Variants in SPNS2 observed in about 807,000 individuals in gnomAD.
SPNS2 encodes the protein sphingosine-1-phosphate transporter SPNS2.
A neutral mutation model predicts 57.6 loss-of-function variants in SPNS2; 37 were observed. The ratio of observed to expected loss-of-function variants is 0.64; its 90% CI spans 0.49 to 0.85. SPNS2 has a LOEUF of 0.85. Among genes scored for constraint, SPNS2 ranks in the 40% least tolerant of loss-of-function variants. The pLI, the probability that SPNS2 is intolerant of heterozygous loss-of-function variation, is 0.00. For synonymous variants in SPNS2, 440 were observed against 346.9 expected (o/e 1.27, Z -2.98); for missense variants, 831 against 779.1 (o/e 1.07, Z -0.79).
chr17:4,505,124 C>T (rs1904639107), intron 1 of SPNS2, among the ~76,000 whole-genome samples: 1 of 152,194 alleles, frequency 6.6e-6, no homozygotes, highest in Non-Finnish European at 1.5e-5. Context: ...GAACTGTGCT[C>T]TGCTCCGCCT....
In SPNS2 at chr17:4,511,522, C is replaced by G. The variant is rs1410597452; in HGVS notation, c.371-1725C>G. Among the ~76,000 whole-genome samples, 2 of 152,194 alleles carry G rather than the reference C, an allele frequency of 1.3e-5. No homozygotes were observed. The highest frequency in any genetic ancestry group is 1.3e-4 in the Admixed American group (2 of 15,282). ...ACACATCAGGAGGGGGAACAGAGTC[C>G]TGACCCAGAAAGGAATGGGTTGTGG... is the stretch of plus-strand genomic sequence containing the variant. On this transcript the variant is annotated intron_variant, in intron 1 of 12. Transcript: ENST00000329078. The surrounding 1 kb of genome is among the most constrained non-coding windows in gnomAD (Gnocchi z 4.6).
intron 2 of SPNS2, among the ~76,000 whole-genome samples, chr17:4,515,986 A>C (rs4499296): frequency 0.45 from 68,294 of 151,830 alleles, 16,796 homozygotes; most frequent in East Asian, 0.85. Context: ...TGCAGGAGCC[A>C]TATCTCAGGC....
rs537851137 is a variant in SPNS2, at chr17:4,530,565, G to C, written c.574-67G>C. 15 of 1,553,052 alleles carry C rather than the reference G, an allele frequency of 9.7e-6. No individual in the cohort carries two copies. The South Asian group carries it at 1.8e-4, about 19-fold the overall frequency. On this transcript the variant is annotated intron_variant, in intron 3 of 12. Transcript: ENST00000329078. The stretch of plus-strand genomic sequence containing the variant: ...GCCCTGCAGGGGGAGGGAGCAAAGT[G>C]GGAACAAGGGATGACAGGCAGACGG...
Position 4,538,988 on chromosome 17 carries a change from G to A in SPNS2, c.*1540G>A, listed in dbSNP as rs751191146. The A allele has an allele frequency of 1.2e-5, 10 of 803,162 alleles. No individual in the cohort carries two copies. The highest frequency in any genetic ancestry group is 2.1e-5 in the Non-Finnish European group (9 of 438,546). The allele number at this position is 803,162 out of a possible 1,614,324, so 49.8% of individuals were successfully genotyped here. A position where few individuals can be genotyped will look rare whatever the true frequency, so the allele number is the denominator to read the frequency against. On this transcript the variant is annotated 3_prime_UTR_variant, in exon 13 of 13. Transcript: ENST00000329078. ...TGAATCTCAGAGTCTTAAGAGAGAA[G>A]CCAAATATATTCCTCTTGTAAATGA...
chr17:4,515,634 CAGT>C (rs1250019080), intron 2 of SPNS2, among the ~76,000 whole-genome samples: 2 of 152,278 alleles, frequency 1.3e-5, no homozygotes, highest in African/African-American at 4.8e-5. Context: ...TGATGTTACT[CAGT>C]GGACAACTAG....
At position 4,511,853 on chromosome 17, in the gene SPNS2, C is replaced by G. The variant is rs1312555725; in HGVS notation, c.371-1394C>G. On this transcript the variant is annotated intron_variant, in intron 1 of 12. Coordinates refer to ENST00000329078, the MANE Select transcript of SPNS2 (RefSeq NM_001124758.3). The surrounding 1 kb of genome is among the most constrained non-coding windows in gnomAD (Gnocchi z 4.6). Reference sequence around the variant, plus strand: ...ATTCCAACCTGGGTCTCGGAAGGGACAGTGACGTTCCAGCCTCCCCACTCC... The same window carrying G: ...ATTCCAACCTGGGTCTCGGAAGGGAGAGTGACGTTCCAGCCTCCCCACTCC... Among the ~76,000 whole-genome samples the G allele has an allele frequency of 6.6e-6, 1 of 152,168 alleles. No individual in the cohort carries two copies. Among genetic ancestry groups the G allele is most frequent in the Non-Finnish European group, 1.5e-5 (1 of 68,022 alleles).
chr17:4,536,340 C>A lies in SPNS2; in HGVS notation c.1521C>A (p.Leu507=). The change falls in exon 11 of 13, where the codon CTC becomes CTA. Residue 507 remains leucine (L), a synonymous_variant. Coordinates refer to ENST00000329078, the MANE Select transcript of SPNS2 (RefSeq NM_001124758.3). The part of the protein sequence containing the change: ...EFLSLGYALM[L]CPFVVVLGGM... ...TGAGCCTGGGCTACGCGCTCATGCTCTGCCCTTTCGTCGTGGTCCTGGGCG... is the reference window on the plus strand; with the variant it reads ...TGAGCCTGGGCTACGCGCTCATGCTATGCCCTTTCGTCGTGGTCCTGGGCG... The A allele has an allele frequency of 6.2e-7, 1 of 1,611,772 alleles. No individual in the cohort carries two copies. Among genetic ancestry groups the A allele is most frequent in the South Asian group, 1.1e-5 (1 of 91,090 alleles).
rs558626207 is a variant in SPNS2, at chr17:4,523,706, C to T, written c.437-1351C>T. Among the ~76,000 whole-genome samples the T allele has an allele frequency of 5.9e-5, 9 of 152,322 alleles. No individual in the cohort carries two copies. In the South Asian group the frequency reaches 1.9e-3, roughly 32 times the overall value. ...GCAGTGAGCGGAGATTGCACCATTG[C>T]ACTCTAGCATGGGTGATAGAGTGAG... On this transcript the variant is annotated intron_variant, in intron 2 of 12. Coordinates refer to ENST00000329078, the MANE Select transcript of SPNS2 (RefSeq NM_001124758.3).
rs537247550 is a variant in SPNS2, at chr17:4,536,791, T to C, written c.1608-109T>C. 6.6e-6 allele frequency: 6 copies of C among 909,182 alleles called. No individual in the cohort carries two copies. In the African/African-American group the frequency reaches 9.8e-5, roughly 15 times the overall value. 56.3% of individuals were successfully genotyped at this position (909,182 alleles called of 1,614,324 possible). On this transcript the variant is annotated intron_variant, in intron 11 of 12. Coordinates refer to ENST00000329078, the MANE Select transcript of SPNS2 (RefSeq NM_001124758.3). The stretch of plus-strand genomic sequence containing the variant: ...CTCCCCCTGGGGCTGACGAGGTCCC[T>C]GCCCAGCACCTCCGGTCAGCTGGCC...
At chr17:4,502,735 C>T (rs1298913598) in intron 1 of SPNS2, among the ~76,000 whole-genome samples, 1 of 152,200 alleles carries the variant, frequency 6.6e-6, no homozygotes, top group Admixed American at 6.5e-5. Context: ...TTCACGAGTG[C>T]CAGCTGCCTT....
chr17:4,515,210 C>T (rs544333205), intron 2 of SPNS2, among the ~76,000 whole-genome samples: 56 of 152,284 alleles, frequency 3.7e-4, no homozygotes, highest in East Asian at 7.7e-4. Flanking sequence ...CTCCTCATCC[C>T]GGTGGCCTGG....
chr17:4,527,949 CAA>C (rs34927238), intron 3 of SPNS2, among the ~76,000 whole-genome samples: 160 of 128,592 alleles, frequency 1.2e-3, no homozygotes, highest in Middle Eastern at 4.1e-3. Flanking sequence ...CTGGAATAGC[CAA>C]AAAAAAAAAA....
intron 1 of SPNS2, among the ~76,000 whole-genome samples, chr17:4,505,526 G>A (rs9901576): frequency 2.0e-5 from 3 of 152,292 alleles, no homozygotes; most frequent in Non-Finnish European, 2.9e-5. Context: ...ATGAGGCCGC[G>A]CAACCCCCAA....
Position 4,533,850 on chromosome 17 carries a change from C to G in SPNS2, c.1341C>G (p.Leu447=). The G allele has an allele frequency of 6.2e-7, 1 of 1,611,018 alleles. No homozygotes were observed. Among genetic ancestry groups the G allele is most frequent in the Non-Finnish European group, 8.5e-7 (1 of 1,178,650 alleles). The part of the protein sequence containing the change: ...FSNWAITADI[L]MYVVIPTRRA... ...ACTGGGCCATCACTGCAGACATCCT[C>G]ATGGTGAGCCAGGCAGGCCGAGGTC... Residue 447 remains leucine, a synonymous_variant, in exon 9 of 13, where the codon CTC becomes CTG. Transcript: ENST00000329078.
chr17:4,525,310 C>T (rs1905238065), intron 3 of SPNS2, 117 bp downstream of exon 3: 1 of 1,401,364 alleles, frequency 7.1e-7, no homozygotes, highest in Non-Finnish European at 9.7e-7. Context: ...TTGCTTGAAC[C>T]CCACTGTCTT....
At chr17:4,531,310 G>C (rs182146385) in intron 5 of SPNS2, among the ~76,000 whole-genome samples, 191 bp downstream of exon 5, 31 of 152,348 alleles carry the variant, frequency 2.0e-4, no homozygotes, top group African/African-American at 7.5e-4. Context: ...CCCGATTGAG[G>C]TGTCAGAGCC....
chr17:4,531,961 C>CA (rs1379780082), intron 5 of SPNS2, among the ~76,000 whole-genome samples: 1 of 152,048 alleles, frequency 6.6e-6, no homozygotes. Flanking sequence ...CTTGATCTGT[C>CA]AGTCCAGCGC....
chr17:4,532,778 C>T (rs956696757), intron 6 of SPNS2, 94 bp downstream of exon 6: 14 of 1,493,706 alleles, frequency 9.4e-6, no homozygotes, highest in Non-Finnish European at 2.7e-6. Flanking sequence ...CACCCTCAGC[C>T]AGACACCCCA....
chr17:4,526,796 AG>A (rs1567593168), intron 3 of SPNS2, among the ~76,000 whole-genome samples: 1 of 152,032 alleles, frequency 6.6e-6, no homozygotes, highest in African/African-American at 2.4e-5. Flanking sequence ...GGGACATTGG[AG>A]GGAGGGCAGA....
Sources: allele counts gnomAD v4.1 joint callset (sites outside exome capture counted in the v4.1 genomes callset), GRCh38; gene constraint gnomAD v4.1.1; non-coding constraint Gnocchi (gnomAD v3.1); transcripts MANE v1.5; gene names NCBI Gene and HGNC (gene_info 2026-07-23, HGNC 2026-07-21).